The following ANKRD66 variants were observed in gnomAD, a reference collection of about 807,000 sequenced individuals.
ANKRD66 encodes the protein ankyrin repeat domain-containing protein 66.
In ANKRD66, 10 loss-of-function variants were observed where a neutral mutation model predicts 10.9. The ratio of observed to expected loss-of-function variants is 0.91; its 90% CI spans 0.56 to 1.55. The LOEUF (loss-of-function observed/expected upper bound fraction) is 1.55. Among genes scored for constraint, ANKRD66 ranks in the 40% most tolerant of loss-of-function variants. ANKRD66 has a pLI of 0.00. For synonymous variants in ANKRD66, 85 were observed against 88.4 expected, an observed-to-expected ratio of 0.96 and a Z score of 0.22; for missense variants, 252 against 242.9, an observed-to-expected ratio of 1.04 and a Z score of -0.25.
intron 2 of ANKRD66, among the ~76,000 whole-genome samples, chr6:46,750,696 T>C (rs574201393): frequency 5.4e-5 from 8 of 148,818 alleles, no homozygotes; most frequent in African/African-American, 2.0e-4. Flanking sequence ...ATATTATATA[T>C]ACGTGTGTGT....
intron 3 of ANKRD66, among the ~76,000 whole-genome samples, chr6:46,752,803 A>G (rs187323615): frequency 5.5e-4 from 84 of 152,336 alleles, no homozygotes; most frequent in Non-Finnish European, 7.2e-4. Context: ...TTCATTCCTC[A>G]TTGAATCCCC....
rs1766427605 is a variant in ANKRD66 at position 46,758,749 on chromosome 6, GT to G, written c.421del (p.Cys141AlafsTer31). 1.3e-6 allele frequency: 2 copies of G among 1,550,166 alleles called. No individual in the cohort carries two copies. The highest frequency in any genetic ancestry group is 8.7e-7 in the Non-Finnish European group (1 of 1,146,656). On this transcript the variant is annotated frameshift_variant, in exon 5 of 5. Transcript: ENST00000565422. LOFTEE classifies it low-confidence loss of function (END_TRUNC). Reference sequence around the variant, plus strand: ...GCAGAGCCCGAGTGCCAGGACCACCGTTGCGCTGCCCAGCAGAAGGGGCTGC... The same window carrying G: ...GCAGAGCCCGAGTGCCAGGACCACCGTGCGCTGCCCAGCAGAAGGGGCTGC... ...EKAEPECQDH[R>X]CAAQQKGLPL...
chr6:46,747,509 C>G (rs1250716245), intron 1 of ANKRD66, among the ~76,000 whole-genome samples: 5 of 152,222 alleles, frequency 3.3e-5, no homozygotes, highest in Admixed American at 2.0e-4. Flanking sequence ...TTCTAGCTAT[C>G]TAGATTTGCT....
At chr6:46,752,898 A>G (rs1562090877) in intron 3 of ANKRD66, among the ~76,000 whole-genome samples, 1 of 152,264 alleles carries the variant, frequency 6.6e-6, no homozygotes. Flanking sequence ...CTTTGGCAAT[A>G]GAAAGCCATT....
In ANKRD66 at chr6:46,753,908, C is replaced by A. The variant is rs144056210; in HGVS notation, c.350C>A (p.Ala117Glu). Residue 117 changes from alanine to glutamate, a missense_variant, in exon 4 of 5, where the codon GCA becomes GAA. Coordinates refer to ENST00000565422, the MANE Select transcript of ANKRD66 (RefSeq NM_001162435.3). Reference protein sequence around the residue: ...DFFGDTPKRIAQIYGQKACVA... With the variant: ...DFFGDTPKRIEQIYGQKACVA... ...TTTGGAGACACACCGAAGAGGATTGCACAGATCTATGGACAGAAAGCCTGT... is the reference window on the plus strand; with the variant it reads ...TTTGGAGACACACCGAAGAGGATTGAACAGATCTATGGACAGAAAGCCTGT... The A allele has an allele frequency of 6.4e-7, 1 of 1,551,586 alleles. No homozygotes were observed. The highest frequency in any genetic ancestry group is 1.4e-5 in the African/African-American group (1 of 73,114).
chr6:46,757,923 A>G (rs1766413044), intron 4 of ANKRD66: 1 of 152,244 alleles, frequency 6.6e-6, no homozygotes, highest in Non-Finnish European at 1.5e-5. Context: ...ACAGAGAGTG[A>G]CTAGGCAGAG....
intron 1 of ANKRD66, among the ~76,000 whole-genome samples, chr6:46,749,400 C>T (rs1244910165): frequency 1.3e-5 from 2 of 152,160 alleles, no homozygotes; most frequent in Non-Finnish European, 2.9e-5. Flanking sequence ...GGCTTGTCCT[C>T]GTTCGCCTAA....
chr6:46,747,011 C>T, intron 1 of ANKRD66, 21 bp downstream of exon 1: 1 of 1,533,458 alleles, frequency 6.5e-7, no homozygotes, highest in Non-Finnish European at 8.7e-7. Flanking sequence ...TTAAGTTACC[C>T]TCTCTTATTT....
chr6:46,752,956 C>T lies in ANKRD66; in HGVS notation c.164-766C>T, dbSNP rs192387129. Among the ~76,000 whole-genome samples the T allele has an allele frequency of 1.6e-3, 247 of 152,274 alleles. 1 individual carries two copies. Among genetic ancestry groups the T allele is most frequent in the African/African-American group, 5.2e-3 (217 of 41,560 alleles). On this transcript the variant is annotated intron_variant, in intron 3 of 4. Transcript: ENST00000565422. ...GCTATGGTCAACTTTGCTTTTTACACATTTATTGTGATTCTTGTGTGGAGA... is the reference window on the plus strand; with the variant it reads ...GCTATGGTCAACTTTGCTTTTTACATATTTATTGTGATTCTTGTGTGGAGA...
At chr6:46,751,539 T>A (rs1766268063) in intron 2 of ANKRD66, among the ~76,000 whole-genome samples, 1 of 152,238 alleles carries the variant, frequency 6.6e-6, no homozygotes, top group East Asian at 1.9e-4. Flanking sequence ...CCTGGCAGAT[T>A]ACATCCATTC....
intron 2 of ANKRD66, among the ~76,000 whole-genome samples, chr6:46,750,356 T>C (rs1766244078): frequency 6.6e-6 from 1 of 152,136 alleles, no homozygotes; most frequent in South Asian, 2.1e-4. Context: ...GTAATAAACT[T>C]ATTACACTAT....
At chr6:46,750,030 G>A in intron 2 of ANKRD66, 51 bp downstream of exon 2, 1 of 946,046 alleles carries the variant, frequency 1.1e-6, no homozygotes, top group Non-Finnish European at 1.7e-6. Context: ...AGTTCCCAGG[G>A]GCTGCTGCTG....
At position 46,753,859 on chromosome 6, in the gene ANKRD66, GC is replaced by G; in HGVS notation, c.302del (p.Ala101ValfsTer71). 6.4e-7 allele frequency: 1 copy of G among 1,551,676 alleles called. No individual in the cohort carries two copies. The highest frequency in any genetic ancestry group is 8.7e-7 in the Non-Finnish European group (1 of 1,146,984). On this transcript the variant is annotated frameshift_variant, in exon 4 of 5. Transcript: ENST00000565422. LOFTEE classifies it high-confidence loss of function. ...NILKTLHALH[A>X]AIDAPDFFGD... ...ACTCAAAACTCTCCATGCATTGCACGCTGCCATCGACGCCCCTGACTTCTTT... is the reference window on the plus strand; with the variant it reads ...ACTCAAAACTCTCCATGCATTGCACGTGCCATCGACGCCCCTGACTTCTTT...
chr6:46,753,912 G>A lies in ANKRD66; in HGVS notation c.354G>A (p.Gln118=). 6.4e-7 allele frequency: 1 copy of A among 1,551,580 alleles called. No homozygotes were observed. Residue 118 remains glutamine, a synonymous_variant, in exon 4 of 5, where the codon CAG becomes CAA. Transcript: ENST00000565422. ...GAGACACACCGAAGAGGATTGCACA[G>A]ATCTATGGACAGAAAGCCTGTGTGG... is the stretch of plus-strand genomic sequence containing the variant. ...FFGDTPKRIA[Q]IYGQKACVAF...
Position 46,753,612 on chromosome 6 carries a change from T to C in ANKRD66, c.164-110T>C, listed in dbSNP as rs991019968. ...ATGATGATAGGAAACTGGAGGCTCC[T>C]CAAAGGCAAAGTTTCCCCTTCTATT... is the stretch of plus-strand genomic sequence containing the variant. On this transcript the variant is annotated intron_variant, in intron 3 of 4. Transcript: ENST00000565422. The C allele has an allele frequency of 2.9e-5, 32 of 1,122,596 alleles. No homozygotes were observed. The East Asian group carries it at 8.1e-4, about 29-fold the overall frequency. The allele number at this position is 1,122,596 out of a possible 1,614,324, so 69.5% of individuals were successfully genotyped here.
intron 4 of ANKRD66, among the ~76,000 whole-genome samples, chr6:46,754,549 G>T (rs1766342642): frequency 6.6e-6 from 1 of 152,280 alleles, no homozygotes; most frequent in Non-Finnish European, 1.5e-5. Flanking sequence ...TGGAAACTTA[G>T]AATTCGATTG....
chr6:46,753,928 G>C lies in ANKRD66; in HGVS notation c.370G>C (p.Ala124Pro). 1 of 1,551,324 alleles carries C rather than the reference G, an allele frequency of 6.4e-7. No individual in the cohort carries two copies. Among genetic ancestry groups the C allele is most frequent in the Non-Finnish European group, 8.7e-7 (1 of 1,146,874 alleles). Residue 124 changes from alanine to proline, a missense_variant, in exon 4 of 5, where the codon GCC (alanine) becomes CCC (proline). Coordinates refer to ENST00000565422, the MANE Select transcript of ANKRD66 (RefSeq NM_001162435.3). ...GATTGCACAGATCTATGGACAGAAA[G>C]CCTGTGTGGCATTTCTGGAAAAGTA... ...KRIAQIYGQK[A>P]CVAFLEKAEP... is the part of the protein sequence containing the mutation.
chr6:46,749,607 C>T (rs1030983521), intron 1 of ANKRD66, among the ~76,000 whole-genome samples: 1 of 117,472 alleles, frequency 8.5e-6, no homozygotes, highest in African/African-American at 3.2e-5. Flanking sequence ...TATTTACTAT[C>T]TGGTTCTTTA....
chr6:46,747,069 T>G, intron 1 of ANKRD66, 79 bp downstream of exon 1: 1 of 1,412,052 alleles, frequency 7.1e-7, no homozygotes, highest in Non-Finnish European at 9.6e-7. Flanking sequence ...TGATATTTAT[T>G]GACTACTTTG....
Sources: gnomAD v4.1 joint callset for allele counts (sites outside exome capture counted in the v4.1 genomes callset) on GRCh38, gnomAD v4.1.1 for gene constraint, MANE v1.5 for transcripts, NCBI Gene and HGNC (gene_info 2026-07-23, HGNC 2026-07-21) for gene names.